Variants in BEND6 observed in about 807,000 individuals in gnomAD.
BEND6 encodes the protein BEN domain containing 6, also known as BEN domain-containing protein 6.
A neutral mutation model predicts 31.8 loss-of-function variants in BEND6; 24 were observed. The ratio of observed to expected loss-of-function variants is 0.75; its 90% CI spans 0.55 to 1.06. The LOEUF (loss-of-function observed/expected upper bound fraction) is 1.06, where lower values mean the gene tolerates loss of function less well. Among genes scored for constraint, BEND6 ranks in the 50% least tolerant of loss-of-function variants. BEND6 has a pLI of 0.00. For synonymous variants in BEND6, 109 were observed against 114.6 expected (o/e 0.95, Z 0.31); for missense variants, 294 against 327.4 (o/e 0.90, Z 0.79).
chr6:56,975,847 C>CT (rs1825853471), intron 1 of BEND6: 1 of 529,538 alleles, frequency 1.9e-6, no homozygotes, highest in Non-Finnish European at 3.8e-6. Context: ...CTACTGACCT[C>CT]TAATGCCTAT....
intron 1 of BEND6, among the ~76,000 whole-genome samples, chr6:56,963,652 C>G (rs1282837062): frequency 6.6e-6 from 1 of 151,898 alleles, no homozygotes; most frequent in Non-Finnish European, 1.5e-5. Context: ...TCATAGGCAT[C>G]AAGGTTAATT....
rs186383949 is a variant in BEND6, at chr6:57,007,743, C to T, written c.299-7390C>T. ...CCAGGAGTTTGGGAAGTTTACAGTG[C>T]GCTGTGATCATGCCACTTTGTTCCC... On this transcript the variant is annotated intron_variant, in intron 3 of 6. Coordinates refer to ENST00000370746, the MANE Select transcript of BEND6 (RefSeq NM_152731.3). 6.4e-4 allele frequency among the ~76,000 whole-genome samples: 97 copies of T among 151,710 alleles called. 3 individuals carry two copies. The South Asian group carries it at 0.015, about 23-fold the overall frequency.
At chr6:57,025,116 T>C (rs1827862027) in intron 6 of BEND6, among the ~76,000 whole-genome samples, 1 of 152,260 alleles carries the variant, frequency 6.6e-6, no homozygotes, top group Admixed American at 6.5e-5. Flanking sequence ...ATGAATTGTT[T>C]TTCTGTTTTC....
intron 1 of BEND6, among the ~76,000 whole-genome samples, chr6:56,974,780 C>G (rs940095299): frequency 5.3e-5 from 8 of 152,014 alleles, no homozygotes; most frequent in African/African-American, 1.7e-4. Flanking sequence ...GTTCAGGAAA[C>G]AGTTTACATA....
chr6:56,967,153 G>A (rs1300997870), intron 1 of BEND6, among the ~76,000 whole-genome samples: 1 of 152,148 alleles, frequency 6.6e-6, no homozygotes, highest in Admixed American at 6.5e-5. Flanking sequence ...CAATCAGGAG[G>A]TATGAGGAGC....
intron 3 of BEND6, among the ~76,000 whole-genome samples, chr6:57,005,166 G>C (rs1195721799): frequency 1.3e-5 from 2 of 151,798 alleles, no homozygotes; most frequent in Non-Finnish European, 2.9e-5. Context: ...TAAATCACTG[G>C]CTCATAATAG....
intron 1 of BEND6, among the ~76,000 whole-genome samples, chr6:56,965,270 C>T (rs551425511): frequency 6.6e-5 from 10 of 151,836 alleles, no homozygotes; most frequent in African/African-American, 1.9e-4. Flanking sequence ...ACAGGTAAGA[C>T]GGGAACTCCA....
At chr6:57,004,583 G>A (rs1487828431) in intron 3 of BEND6, 1 of 957,306 alleles carries the variant, frequency 1.0e-6, no homozygotes, top group Non-Finnish European at 1.7e-6. Context: ...CCAGGACTCA[G>A]AGGCCAACAT....
intron 1 of BEND6, among the ~76,000 whole-genome samples, chr6:56,976,345 G>A (rs547205826): frequency 7.3e-5 from 11 of 151,454 alleles, no homozygotes; most frequent in South Asian, 4.2e-4. Flanking sequence ...ACAGGCGCCC[G>A]CCACCATGCC....
At position 56,982,079 on chromosome 6, in the gene BEND6, C is replaced by T. The variant is rs1826092630; in HGVS notation, c.120+149C>T. The T allele has an allele frequency of 4.7e-6, 5 of 1,059,680 alleles. 1 individual carries two copies. In the South Asian group the frequency reaches 9.2e-5, roughly 20 times the overall value. 65.6% of individuals were successfully genotyped at this position (1,059,680 alleles called of 1,614,324 possible). ...AATGGAGAAAATATAATCTTATGTT[C>T]TTTTTCTTTTTAAAAATGTTTTGTA... On this transcript the variant is annotated intron_variant, in intron 2 of 6. Transcript: ENST00000370746.
At chr6:56,981,492 T>C (rs1395163970) in intron 1 of BEND6, among the ~76,000 whole-genome samples, 11 of 152,216 alleles carry the variant, frequency 7.2e-5, no homozygotes, top group Non-Finnish European at 1.3e-4. Context: ...ATTTTGTAAA[T>C]TACAACTCAC....
chr6:56,962,767 G>A (rs1476859787), intron 1 of BEND6, among the ~76,000 whole-genome samples: 1 of 152,060 alleles, frequency 6.6e-6, no homozygotes, highest in African/African-American at 2.4e-5. Context: ...CTAGATTAAG[G>A]GGCACCAACA....
intron 1 of BEND6, among the ~76,000 whole-genome samples, chr6:56,965,676 T>TTATA (rs35074783): frequency 0.033 from 4,548 of 136,450 alleles, 102 homozygotes; most frequent in African/African-American, 0.064. Flanking sequence ...ACAAAAAAAT[T>TTATA]TATATATATA....
At chr6:56,992,686 G>C in intron 3 of BEND6, 131 bp downstream of exon 3, 1 of 1,012,942 alleles carries the variant, frequency 9.9e-7, no homozygotes, top group African/African-American at 1.7e-5. Flanking sequence ...CACAGTTTTA[G>C]AAAAAATCAC....
intron 1 of BEND6, among the ~76,000 whole-genome samples, chr6:56,970,004 T>A (rs1289283156): frequency 6.6e-6 from 1 of 152,194 alleles, no homozygotes; most frequent in Non-Finnish European, 1.5e-5. Flanking sequence ...GCACTTTTTT[T>A]AAATGAAATA....
chr6:56,959,271 A>G (rs1235639499), intron 1 of BEND6, among the ~76,000 whole-genome samples: 3 of 152,178 alleles, frequency 2.0e-5, no homozygotes, highest in African/African-American at 7.2e-5. Context: ...TTCCCCATCT[A>G]ATCTGGCTAC....
intron 3 of BEND6, among the ~76,000 whole-genome samples, chr6:57,005,866 G>C (rs1357962672): frequency 1.3e-5 from 2 of 152,022 alleles, no homozygotes; most frequent in East Asian, 3.8e-4. Flanking sequence ...AGATAATTAA[G>C]AACATTCTGA....
intron 6 of BEND6, among the ~76,000 whole-genome samples, chr6:57,021,137 A>T (rs1827729633): frequency 6.6e-6 from 1 of 152,218 alleles, no homozygotes; most frequent in African/African-American, 2.4e-5. Context: ...GAGATTAGCT[A>T]GAATGGAATT....
chr6:57,005,798 CT>C (rs1827137896), intron 3 of BEND6, among the ~76,000 whole-genome samples: 2 of 151,630 alleles, frequency 1.3e-5, no homozygotes, highest in African/African-American at 4.8e-5. Flanking sequence ...TTTGTTTTTG[CT>C]TTTTTAATAA....
Sources: gnomAD v4.1 joint callset for allele counts (sites outside exome capture counted in the v4.1 genomes callset) on GRCh38, gnomAD v4.1.1 for gene constraint, MANE v1.5 for transcripts, NCBI Gene and HGNC (gene_info 2026-07-23, HGNC 2026-07-21) for gene names.